ABCA6: variants seen among roughly 807,000 people sequenced by gnomAD.
The protein encoded by ABCA6 is ATP-binding cassette sub-family A member 6.
ABCA6 carries 164 observed loss-of-function variants against 191.2 expected under a neutral mutation model. The ratio of observed to expected loss-of-function variants is 0.86; its 90% CI spans 0.76 to 0.98. The LOEUF (loss-of-function observed/expected upper bound fraction) is 0.98. Ranked by LOEUF, ABCA6 falls within the 50% of genes least tolerant of loss-of-function variation. The pLI, the probability that ABCA6 is intolerant of heterozygous loss-of-function variation, is 0.00. For synonymous variants in ABCA6, 636 were observed against 647.7 expected, an observed-to-expected ratio of 0.98 and a Z score of 0.27; for missense variants, 1,958 against 1,894.1, an observed-to-expected ratio of 1.03 and a Z score of -0.63.
intron 6 of ABCA6, among the ~76,000 whole-genome samples, chr17:69,132,873 A>AGT (rs35431740): frequency 0.62 from 93,388 of 151,646 alleles, 29,512 homozygotes; most frequent in Admixed American, 0.7. Flanking sequence ...TACATACATG[A>AGT]GTGTGTGTGT....
At chr17:69,104,492 C>A (rs1338927511) in intron 20 of ABCA6, 1 of 151,438 alleles carries the variant, frequency 6.6e-6, no homozygotes, top group East Asian at 1.9e-4. Flanking sequence ...GAGCATACAC[C>A]GCAGGCCTGA....
At chr17:69,102,641 T>G (rs2073205992) in intron 21 of ABCA6, among the ~76,000 whole-genome samples, 194 bp downstream of exon 21, 1 of 152,178 alleles carries the variant, frequency 6.6e-6, no homozygotes. Context: ...ATGTAAAAGT[T>G]ATCTAATTCA....
In ABCA6 at chr17:69,115,442, C is replaced by A. The variant is rs1054480788; in HGVS notation, c.1540G>T (p.Gly514Cys). ...IYEGQITAIL[G>C]HSGAGKSSLL... ...GAAGATTTGCCAGCTCCACTGTGAC[C>A]CAGGATTGCCGTGATTTGACCTTCA... is the stretch of plus-strand genomic sequence containing the variant. The change falls in exon 12 of 39, where the codon GGT (glycine) becomes TGT (cysteine). Residue 514 changes from glycine (G) to cysteine (C), a missense_variant. Transcript: ENST00000284425. 27 of 1,611,614 alleles carry A rather than the reference C, an allele frequency of 1.7e-5. No individual in the cohort carries two copies. Among genetic ancestry groups the A allele is most frequent in the Middle Eastern group, 1.6e-4 (1 of 6,068 alleles).
intron 2 of ABCA6, among the ~76,000 whole-genome samples, chr17:69,139,502 A>C (rs8070292): frequency 0.71 from 107,935 of 151,740 alleles, 38,870 homozygotes; most frequent in African/African-American, 0.8. Flanking sequence ...GTTGGTGGGA[A>C]TGTAAACTAG....
At chr17:69,088,323 T>A in intron 27 of ABCA6, 65 bp from the exon 28 acceptor site, 1 of 1,266,940 alleles carries the variant, frequency 7.9e-7, no homozygotes, top group Non-Finnish European at 1.1e-6. Context: ...AATATTTGAA[T>A]TAAGTTGGTG....
At position 69,124,416 on chromosome 17, in the gene ABCA6, C is replaced by T. The variant is rs190827059; in HGVS notation, c.1267+472G>A. 2.0e-4 allele frequency among the ~76,000 whole-genome samples: 31 copies of T among 151,882 alleles called. No homozygotes were observed. The East Asian group carries it at 3.7e-3, about 18-fold the overall frequency. On this transcript the variant is annotated intron_variant, in intron 9 of 38. Coordinates refer to ENST00000284425, the MANE Select transcript of ABCA6 (RefSeq NM_080284.3). ...TTGTTTGCAAGATAATTTAACTGGG[C>T]GATCAATATACTTCTGTAAATATGA...
chr17:69,131,030 A>G (rs1376118587), intron 6 of ABCA6, among the ~76,000 whole-genome samples: 2 of 152,190 alleles, frequency 1.3e-5, no homozygotes, highest in African/African-American at 4.8e-5. Flanking sequence ...AGATCTAACA[A>G]GACTATAGAG....
chr17:69,110,980 C>A, intron 16 of ABCA6, 40 bp from the exon 17 acceptor site: 2 of 1,542,188 alleles, frequency 1.3e-6, no homozygotes, highest in Non-Finnish European at 1.7e-6. Context: ...TGCATTTTCT[C>A]CACCACTATC....
chr17:69,094,137 AT>A (rs1300677507), intron 25 of ABCA6, among the ~76,000 whole-genome samples: 1 of 152,114 alleles, frequency 6.6e-6, no homozygotes, highest in Non-Finnish European at 1.5e-5. Flanking sequence ...ATTTGTGATA[AT>A]TTTTTCAAAT....
At chr17:69,122,046 C>T (rs942227061) in intron 10 of ABCA6, among the ~76,000 whole-genome samples, 1 of 152,028 alleles carries the variant, frequency 6.6e-6, no homozygotes, top group Non-Finnish European at 1.5e-5. Flanking sequence ...TCTATTTATT[C>T]ATTTTTCTTT....
intron 16 of ABCA6, chr17:69,111,360 G>A (rs2073418647): frequency 6.5e-6 from 1 of 153,874 alleles, no homozygotes. Flanking sequence ...AATTATTTTA[G>A]CCTGGATATA....
Position 69,140,632 on chromosome 17 carries a change from C to T in ABCA6, c.72G>A (p.Trp24Ter), listed in dbSNP as rs2074012208. The T allele has an allele frequency of 6.3e-7, 1 of 1,598,432 alleles. No homozygotes were observed. Among genetic ancestry groups the T allele is most frequent in the East Asian group, 2.3e-5 (1 of 43,868 alleles). The change falls in exon 2 of 39, where the codon TGG becomes TGA. Residue 24 changes from tryptophan to a stop codon, truncating the protein, a stop_gained. Transcript: ENST00000284425. LOFTEE classifies it high-confidence loss of function. ...ALLCKNFLKKWRMKRESLLEW... is the reference protein window; with the variant it reads ...ALLCKNFLKK ...CCAATAAGCTCTCTCTTTTCATCCT[C>T]CATTTCTTAAGAAAATTCTTGCACA...
At chr17:69,111,051 G>T in intron 16 of ABCA6, 111 bp from the exon 17 acceptor site, 1 of 1,006,120 alleles carries the variant, frequency 9.9e-7, no homozygotes, top group Non-Finnish European at 1.4e-6. Flanking sequence ...TGGCTTTATG[G>T]AACAAAAAGA....
At chr17:69,124,856 T>C (rs78773510) in intron 9 of ABCA6, 32 bp downstream of exon 9, 21,592 of 1,355,994 alleles carry the variant, frequency 0.016, 291 homozygotes, top group Non-Finnish European at 0.019. Context: ...TTAATAACTG[T>C]AGAGGACAGA....
chr17:69,103,529 T>G (rs1413325136), intron 20 of ABCA6, among the ~76,000 whole-genome samples: 2 of 152,144 alleles, frequency 1.3e-5, no homozygotes, highest in Admixed American at 1.3e-4. Flanking sequence ...CTTTTAGATA[T>G]GACCCTGAAG....
At chr17:69,132,289 G>A (rs527695403) in intron 6 of ABCA6, among the ~76,000 whole-genome samples, 4 of 152,090 alleles carry the variant, frequency 2.6e-5, no homozygotes, top group South Asian at 2.1e-4. Flanking sequence ...TATAACAAAT[G>A]TTATATTTCT....
At chr17:69,123,723 T>A (rs1380896829) in intron 9 of ABCA6, among the ~76,000 whole-genome samples, 1 of 152,098 alleles carries the variant, frequency 6.6e-6, no homozygotes, top group African/African-American at 2.4e-5. Context: ...CCAGCTGAGT[T>A]GGACTCCAGC....
chr17:69,112,036 G>A, intron 16 of ABCA6, 147 bp downstream of exon 16: 1 of 625,630 alleles, frequency 1.6e-6, no homozygotes, highest in South Asian at 2.1e-5. Flanking sequence ...CAGGAGGAAG[G>A]AAAGTAAAAA....
At position 69,105,619 on chromosome 17, in the gene ABCA6, T is replaced by C; in HGVS notation, c.2583A>G (p.Val861=). ...TCAAAGGGAATATTGCGATTCCAAA[T>C]ACCAATAATCTAAACAATAAAGAAA... The part of the protein sequence containing the change: ...QTKVLLTLLL[V]FGIAIFPLIV... The change falls in exon 20 of 39, where the codon GTA becomes GTG. Residue 861 remains valine (V), a synonymous_variant. Coordinates refer to ENST00000284425, the MANE Select transcript of ABCA6 (RefSeq NM_080284.3). 3 of 1,489,844 alleles carry C rather than the reference T, an allele frequency of 2.0e-6. No homozygotes were observed. The highest frequency in any genetic ancestry group is 2.8e-6 in the Non-Finnish European group (3 of 1,080,742). 92.3% of individuals were successfully genotyped at this position (1,489,844 alleles called of 1,614,324 possible). A position where few individuals can be genotyped will look rare whatever the true frequency, so the allele number is the denominator to read the frequency against.
Sources: allele counts gnomAD v4.1 joint callset (sites outside exome capture counted in the v4.1 genomes callset), GRCh38; gene constraint gnomAD v4.1.1; transcripts MANE v1.5; gene names NCBI Gene and HGNC (gene_info 2026-07-23, HGNC 2026-07-21).